DEAF1: variants seen among roughly 807,000 people sequenced by gnomAD.
DEAF1 encodes DEAF1 transcription factor.
In DEAF1, 53 loss-of-function variants were observed where a neutral mutation model predicts 58.9. That is an observed-to-expected ratio of 0.90 (90% CI 0.72 to 1.13). The LOEUF (loss-of-function observed/expected upper bound fraction) is 1.13, where lower values mean the gene tolerates loss of function less well. DEAF1 is among the 50% of genes most tolerant of loss of function. The probability of loss-of-function intolerance (pLI) is 0.00; values close to 1 mark genes in which losing one functional copy is unlikely to be tolerated. For synonymous variants in DEAF1, 385 were observed against 340.4 expected, an observed-to-expected ratio of 1.13 and a Z score of -1.44; for missense variants, 685 against 791.4, an observed-to-expected ratio of 0.87 and a Z score of 1.61.
intron 10 of DEAF1, among the ~76,000 whole-genome samples, chr11:658,470 G>A (rs1859167998): frequency 6.6e-6 from 1 of 152,258 alleles, no homozygotes; most frequent in Admixed American, 6.5e-5. Context: ...CGGAAGAGGT[G>A]TGTGTGCGTT....
chr11:653,864 G>A (rs903598513), intron 11 of DEAF1, 98 bp downstream of exon 11: 4 of 1,046,118 alleles, frequency 3.8e-6, no homozygotes, highest in Non-Finnish European at 4.5e-6. Flanking sequence ...GGGGAGTCAG[G>A]TGTGGCACCA....
At chr11:649,754 G>A (rs1364768578) in intron 11 of DEAF1, among the ~76,000 whole-genome samples, 3 of 151,854 alleles carry the variant, frequency 2.0e-5, no homozygotes, top group East Asian at 1.9e-4. Flanking sequence ...GTTCCAGTGC[G>A]GTGGCTCACA....
At chr11:655,144 C>T (rs796939394) in intron 10 of DEAF1, among the ~76,000 whole-genome samples, 3 of 152,212 alleles carry the variant, frequency 2.0e-5, no homozygotes, top group African/African-American at 7.2e-5. Context: ...CAGGCCAGCA[C>T]AGAAAATCAA....
upstream of DEAF1, chr11:698,763 G>T: frequency 7.4e-7 from 1 of 1,352,140 alleles, no homozygotes; most frequent in South Asian, 1.2e-5. Context: ...ACAAATACGA[G>T]ATCAAAGGAA....
chr11:651,460 CAAAG>C (rs983235397), intron 11 of DEAF1: 5 of 288,694 alleles, frequency 1.7e-5, no homozygotes, highest in South Asian at 5.9e-5. Context: ...CTTATTGAGA[CAAAG>C]AAGGATGTTT....
chr11:680,128 T>C (rs993695504), intron 7 of DEAF1: 9 of 407,362 alleles, frequency 2.2e-5, no homozygotes, highest in Middle Eastern at 1.4e-3. Flanking sequence ...TTTTAAGTAC[T>C]TCGTGGTTCG....
intron 10 of DEAF1, among the ~76,000 whole-genome samples, chr11:659,171 C>T (rs903799371): frequency 2.7e-5 from 4 of 150,364 alleles, no homozygotes; most frequent in Non-Finnish European, 4.4e-5. Flanking sequence ...GCGGGAGCAT[C>T]GCTTGAGCCC....
At chr11:670,457 G>A (rs1041319712) in intron 10 of DEAF1, among the ~76,000 whole-genome samples, 8 of 145,608 alleles carry the variant, frequency 5.5e-5, no homozygotes, top group African/African-American at 2.0e-4. Context: ...GCTCACACCT[G>A]TAATCCCAAC....
chr11:701,471 C>T (rs1169174934), intron 1 of DEAF1, among the ~76,000 whole-genome samples: 2 of 133,578 alleles, frequency 1.5e-5, no homozygotes, highest in Non-Finnish European at 3.1e-5. Flanking sequence ...AGTGCAGTGG[C>T]GTGAACTTGG....
chr11:693,970 CT>C (rs35573497), intron 1 of DEAF1, among the ~76,000 whole-genome samples: 3,622 of 152,264 alleles, frequency 0.024, 55 homozygotes, highest in Non-Finnish European at 0.036. Flanking sequence ...CGCAGCCCCC[CT>C]GGGCCACCAC....
chr11:660,719 G>A (rs1326364554), intron 10 of DEAF1, among the ~76,000 whole-genome samples: 2 of 152,260 alleles, frequency 1.3e-5, no homozygotes, highest in South Asian at 2.1e-4. Context: ...ACAGGTGACT[G>A]AGCTGTCTTG....
At chr11:682,732 A>C (rs1009429798) in intron 6 of DEAF1, among the ~76,000 whole-genome samples, 3 of 152,144 alleles carry the variant, frequency 2.0e-5, no homozygotes, top group Non-Finnish European at 4.4e-5. Flanking sequence ...GGGTTGATGG[A>C]AATTGGGGCT....
intron 7 of DEAF1, among the ~76,000 whole-genome samples, chr11:680,614 C>T (rs80190876): frequency 0.041 from 6,197 of 152,200 alleles, 204 homozygotes; most frequent in East Asian, 0.17. Context: ...CAGAGCTCTC[C>T]GCAGCCCTCG....
rs774827521 is a variant in DEAF1 at position 681,030 on chromosome 11, G to A, written c.930C>T (p.Pro310=). 8.7e-6 allele frequency: 14 copies of A among 1,614,118 alleles called. No individual in the cohort carries two copies. The Middle Eastern group carries it at 9.9e-4, about 114-fold the overall frequency. The change falls in exon 7 of 12, where the codon CCC becomes CCT. Residue 310 remains proline (P), a synonymous_variant. Coordinates refer to ENST00000382409, the MANE Select transcript of DEAF1 (RefSeq NM_021008.4). ...GGGAGTCCTTCTTCACGGGAGTTGT[G>A]GGCAGTTCATTCTCCTTCTTGCGCC... is the stretch of plus-strand genomic sequence containing the variant. The part of the protein sequence containing the change: ...YKRRKKENEL[P]TTPVKKDSPK...
chr11:662,986 A>C (rs951847278), intron 10 of DEAF1, among the ~76,000 whole-genome samples: 2 of 152,170 alleles, frequency 1.3e-5, no homozygotes, highest in African/African-American at 4.8e-5. Flanking sequence ...CGCTGTCCTG[A>C]TGCTCTGAAA....
rs987922936 is a variant in DEAF1 at position 694,988 on chromosome 11, C to CGCG, written c.59_60insCGC (p.Ala24dup). The CGCG allele has an allele frequency of 2.4e-5, 28 of 1,185,154 alleles. No individual in the cohort carries two copies. The highest frequency in any genetic ancestry group is 6.2e-5 in the South Asian group (2 of 32,082). The allele number at this position is 1,185,154 out of a possible 1,614,324, so 73.4% of individuals were successfully genotyped here. A position where few individuals can be genotyped will look rare whatever the true frequency, so the allele number is the denominator to read the frequency against. On this transcript the variant is annotated inframe_insertion, in exon 1 of 12. Transcript: ENST00000382409. The stretch of plus-strand genomic sequence containing the variant: ...CCGCCGCCGCCACAGCGGCCGCGGC[C>CGCG]GCCACCGCCGCCGCCTCAGCCAGGC...
At chr11:690,053 G>A (rs1438966015) in intron 2 of DEAF1, among the ~76,000 whole-genome samples, 7 of 151,122 alleles carry the variant, frequency 4.6e-5, no homozygotes, top group Admixed American at 2.0e-4. Flanking sequence ...TGGGCTGGGT[G>A]CGGTGGCTCA....
At chr11:674,286 A>G (rs1027253104) in intron 10 of DEAF1, 22 of 530,188 alleles carry the variant, frequency 4.1e-5, no homozygotes, top group African/African-American at 3.4e-4. Flanking sequence ...GCCGATGCGC[A>G]CAAAATTGTT....
At chr11:666,897 A>AG (rs1423670376) in intron 10 of DEAF1, among the ~76,000 whole-genome samples, 39 of 149,292 alleles carry the variant, frequency 2.6e-4, no homozygotes, top group Admixed American at 1.9e-3. Flanking sequence ...AAAAAAAAAA[A>AG]GAAAAAAAGA....
Sources: gnomAD v4.1 joint callset for allele counts (sites outside exome capture counted in the v4.1 genomes callset) on GRCh38, gnomAD v4.1.1 for gene constraint, MANE v1.5 for transcripts, NCBI Gene and HGNC (gene_info 2026-07-23, HGNC 2026-07-21) for gene names.